The following PPP6C variants were observed in gnomAD, a reference collection of about 807,000 sequenced individuals.
The protein encoded by PPP6C is serine/threonine-protein phosphatase 6 catalytic subunit.
Under a neutral mutation model 39.8 loss-of-function variants are expected in PPP6C, and 11 were observed. That is an observed-to-expected ratio of 0.28 (90% CI 0.17 to 0.46). PPP6C has a LOEUF of 0.46. Ranked by LOEUF, PPP6C falls within the 20% of genes least tolerant of loss-of-function variation. The pLI is 1.00. For missense variants in PPP6C, 211 were observed against 373.9 expected (o/e 0.56, Z 3.59); for synonymous variants, 129 against 130.3 (o/e 0.99, Z 0.07).
At position 125,189,744 on chromosome 9, in the gene PPP6C, AGCGGCG is replaced by A; in HGVS notation, c.-32_-27del. ...TTTAAGAATAACAAGCCGCGGCAAC[AGCGGCG>A]GCGGCGGCTGTAGCAGCGGCGGCGG... is the stretch of plus-strand genomic sequence containing the variant. On this transcript the variant is annotated 5_prime_UTR_variant, in exon 1 of 7. Coordinates refer to ENST00000373547, the MANE Select transcript of PPP6C (RefSeq NM_002721.5). The A allele has an allele frequency of 1.3e-6, 2 of 1,559,628 alleles. No individual in the cohort carries two copies. The highest frequency in any genetic ancestry group is 1.7e-6 in the Non-Finnish European group (2 of 1,157,232).
At chr9:125,175,414 G>A (rs1829275188) in intron 1 of PPP6C, among the ~76,000 whole-genome samples, 1 of 152,024 alleles carries the variant, frequency 6.6e-6, no homozygotes, top group East Asian at 1.9e-4. Flanking sequence ...CGAGGCGGGT[G>A]GATCACGAGG....
At position 125,149,541 on chromosome 9, in the gene PPP6C, T is replaced by C. The variant is rs1236608652; in HGVS notation, c.*132A>G. 9.0e-7 allele frequency: 1 copy of C among 1,115,138 alleles called. No homozygotes were observed. Among genetic ancestry groups the C allele is most frequent in the East Asian group, 2.6e-5 (1 of 38,904 alleles). The allele number at this position is 1,115,138 out of a possible 1,614,324, so 69.1% of individuals were successfully genotyped here. ...ACAATAAATTTAGATAATTTAAAAT[T>C]TAAAAAAAAAAAGGCAAGAGGCAGC... On this transcript the variant is annotated 3_prime_UTR_variant, in exon 7 of 7. Transcript: ENST00000373547.
rs182607623 is a variant in PPP6C at position 125,151,174 on chromosome 9, G to C, written c.670-1253C>G. Reference sequence around the variant, plus strand: ...ATCTGATGCTGGTGGAGCTAAGAGAGTGACCTCCATTGCAGACAGGCTGAA... The same window carrying C: ...ATCTGATGCTGGTGGAGCTAAGAGACTGACCTCCATTGCAGACAGGCTGAA... On this transcript the variant is annotated intron_variant, in intron 6 of 6. Transcript: ENST00000373547. 649 of 1,485,906 alleles carry C rather than the reference G, an allele frequency of 4.4e-4. 1 individual carries two copies. The highest frequency in any genetic ancestry group is 1.0e-3 in the South Asian group (89 of 88,360). 92.0% of individuals were successfully genotyped at this position (1,485,906 alleles called of 1,614,324 possible).
At chr9:125,175,164 G>A (rs1303869625) in intron 1 of PPP6C, among the ~76,000 whole-genome samples, 5 of 151,864 alleles carry the variant, frequency 3.3e-5, no homozygotes, top group Admixed American at 6.6e-5. Flanking sequence ...CCAAGATCAC[G>A]CCATTGCACT....
chr9:125,179,371 T>C (rs1340912366), intron 1 of PPP6C, among the ~76,000 whole-genome samples: 1 of 152,198 alleles, frequency 6.6e-6, no homozygotes, highest in South Asian at 2.1e-4. Context: ...GTCTGGCTTA[T>C]CAACTATTTC....
intron 1 of PPP6C, among the ~76,000 whole-genome samples, chr9:125,173,282 G>A (rs941695193): frequency 2.0e-5 from 3 of 151,688 alleles, no homozygotes; most frequent in African/African-American, 7.3e-5. Flanking sequence ...GTGGTGGCAG[G>A]TGCCTGTAAT....
At chr9:125,175,200 C>T (rs1829269812) in intron 1 of PPP6C, among the ~76,000 whole-genome samples, 1 of 151,598 alleles carries the variant, frequency 6.6e-6, no homozygotes, top group Non-Finnish European at 1.5e-5. Flanking sequence ...GAGTGAGACT[C>T]TGTTTCAAAA....
chr9:125,163,922 A>G (rs1283713285), intron 2 of PPP6C, among the ~76,000 whole-genome samples: 1 of 147,030 alleles, frequency 6.8e-6, no homozygotes, highest in East Asian at 2.0e-4. Context: ...ATCTCAGCTC[A>G]CTGCAACCTC....
At chr9:125,179,611 G>C (rs912662349) in intron 1 of PPP6C, among the ~76,000 whole-genome samples, 2 of 151,176 alleles carry the variant, frequency 1.3e-5, no homozygotes, top group South Asian at 4.2e-4. Flanking sequence ...CCCTAGACAT[G>C]GGCTTGGCTA....
At chr9:125,186,509 G>A (rs1300582548) in intron 1 of PPP6C, among the ~76,000 whole-genome samples, 1 of 152,042 alleles carries the variant, frequency 6.6e-6, no homozygotes, top group Non-Finnish European at 1.5e-5. Context: ...ATTTTGGGAA[G>A]CCAAGGTGGG....
At chr9:125,150,946 AAG>A in intron 6 of PPP6C, 1 of 1,175,340 alleles carries the variant, frequency 8.5e-7, no homozygotes, top group Non-Finnish European at 1.3e-6. Context: ...CAGGATAATA[AAG>A]AGTCAGGTGA....
chr9:125,156,840 T>A (rs961816411), intron 4 of PPP6C, among the ~76,000 whole-genome samples: 3 of 151,074 alleles, frequency 2.0e-5, no homozygotes, highest in African/African-American at 7.3e-5. Flanking sequence ...TGAGACAGAG[T>A]CTGGCTCAGT....
intron 1 of PPP6C, among the ~76,000 whole-genome samples, chr9:125,184,596 G>A (rs1028546766): frequency 5.3e-5 from 8 of 151,596 alleles, no homozygotes; most frequent in African/African-American, 1.9e-4. Flanking sequence ...ACAAGTATTT[G>A]TCATAAAGCA....
chr9:125,179,651 CTCTCT>C (rs1265638914), intron 1 of PPP6C, among the ~76,000 whole-genome samples: 8 of 145,096 alleles, frequency 5.5e-5, no homozygotes, highest in South Asian at 4.4e-4. Context: ...CCTTTTCTCT[CTCTCT>C]TTTTTTTTTT....
intron 6 of PPP6C, 37 bp from the exon 7 acceptor site, chr9:125,149,958 T>C: frequency 1.3e-6 from 2 of 1,593,054 alleles, no homozygotes; most frequent in Non-Finnish European, 1.7e-6. Flanking sequence ...ACTTAGCACT[T>C]AAAAAACAAT....
chr9:125,154,079 T>C, intron 4 of PPP6C, 94 bp from the exon 5 acceptor site: 1 of 974,446 alleles, frequency 1.0e-6, no homozygotes, highest in Non-Finnish European at 1.6e-6. Context: ...ACAACAGAAA[T>C]TCAGCTTAAA....
intron 1 of PPP6C, among the ~76,000 whole-genome samples, chr9:125,176,381 C>T (rs72767013): frequency 0.1 from 15,476 of 152,208 alleles, 1,038 homozygotes; most frequent in Non-Finnish European, 0.14. Context: ...ACTGGCCAGG[C>T]GTGGTGGCTC....
intron 2 of PPP6C, among the ~76,000 whole-genome samples, chr9:125,161,733 G>T (rs4837012): frequency 0.42 from 63,065 of 151,948 alleles, 13,562 homozygotes; most frequent in East Asian, 0.61. Context: ...TGACACCCAA[G>T]GATATTTCAT....
Position 125,150,533 on chromosome 9 carries a change from G to C in PPP6C, c.670-612C>G, listed in dbSNP as rs565725500. On this transcript the variant is annotated intron_variant, in intron 6 of 6. Coordinates refer to ENST00000373547, the MANE Select transcript of PPP6C (RefSeq NM_002721.5). ...AGTTCAAAGTACTGCCTATCTTGAA[G>C]ATGGCGGAGTAGCATCGCAAAGAGA... 188 of 474,670 alleles carry C rather than the reference G, an allele frequency of 4.0e-4. 1 individual carries two copies. The highest frequency in any genetic ancestry group is 3.1e-3 in the South Asian group (184 of 59,714). 29.4% of individuals were successfully genotyped at this position (474,670 alleles called of 1,614,324 possible).
Sources: allele counts gnomAD v4.1 joint callset (sites outside exome capture counted in the v4.1 genomes callset), GRCh38; gene constraint gnomAD v4.1.1; transcripts MANE v1.5; gene names NCBI Gene and HGNC (gene_info 2026-07-23, HGNC 2026-07-21).